Variants in TAFA1 observed in about 807,000 individuals in gnomAD.
TAFA1 encodes the protein TAFA chemokine like family member 1.
In TAFA1, 4 loss-of-function variants were observed where a neutral mutation model predicts 18.5. That is an observed-to-expected ratio of 0.22 (90% confidence interval 0.11 to 0.49). The LOEUF is 0.49. TAFA1 is among the 20% of genes least tolerant of loss of function. The probability of loss-of-function intolerance (pLI) is 0.98; values close to 1 mark genes in which losing one functional copy is unlikely to be tolerated. For missense variants in TAFA1, 147 were observed against 169.0 expected (o/e 0.87, Z 0.72); for synonymous variants, 56 against 55.2 (o/e 1.01, Z -0.06).
intron 2 of TAFA1, among the ~76,000 whole-genome samples, chr3:68,280,912 C>T (rs1271484257): frequency 6.6e-6 from 1 of 152,042 alleles, no homozygotes; most frequent in Admixed American, 6.6e-5. Context: ...CTCTCTGACA[C>T]CTAATCTCGC....
At chr3:68,014,912 C>G (rs1022924256) in intron 2 of TAFA1, among the ~76,000 whole-genome samples, 5 of 152,098 alleles carry the variant, frequency 3.3e-5, no homozygotes, top group Non-Finnish European at 7.4e-5. Flanking sequence ...CCAAATAAAT[C>G]AAGACTGATG....
Position 68,453,122 on chromosome 3 carries a change from T to C in TAFA1, c.259+35702T>C, listed in dbSNP as rs139162205. On this transcript the variant is annotated intron_variant, in intron 3 of 4. Coordinates refer to ENST00000478136, the MANE Select transcript of TAFA1 (RefSeq NM_213609.4). ...AATCTCCAGAGACATAAGCGCTTAC[T>C]AACCTCGAGAGTCACCCGACTCCAG... Among the ~76,000 whole-genome samples, 5 of 152,298 alleles carry C rather than the reference T, an allele frequency of 3.3e-5. No individual in the cohort carries two copies. The East Asian group carries it at 9.7e-4, about 29-fold the overall frequency.
intron 2 of TAFA1, among the ~76,000 whole-genome samples, chr3:68,388,287 A>G (rs2070149312): frequency 6.6e-6 from 1 of 152,170 alleles, no homozygotes; most frequent in Non-Finnish European, 1.5e-5. Context: ...GATCTAAAGA[A>G]AAAAGATTGC....
Position 68,056,519 on chromosome 3 carries a change from T to C in TAFA1, c.118+49775T>C, listed in dbSNP as rs900179865. 3.3e-5 allele frequency among the ~76,000 whole-genome samples: 5 copies of C among 152,198 alleles called. 1 individual carries two copies. Among genetic ancestry groups the C allele is most frequent in the South Asian group, 4.1e-4 (2 of 4,832 alleles). On this transcript the variant is annotated intron_variant, in intron 2 of 4. Coordinates refer to ENST00000478136, the MANE Select transcript of TAFA1 (RefSeq NM_213609.4). ...GGTAGATCCAGGTTTATTTTGGAGA[T>C]GCAAAACGCTTTAATATGATACAGT... is the stretch of plus-strand genomic sequence containing the variant.
At chr3:68,349,530 G>GT (rs1222114183) in intron 2 of TAFA1, among the ~76,000 whole-genome samples, 2 of 152,048 alleles carry the variant, frequency 1.3e-5, no homozygotes, top group Admixed American at 6.6e-5. Context: ...GGCATAGAGT[G>GT]TTTTTAAATT....
rs150856479 is a variant in TAFA1 at position 68,075,908 on chromosome 3, G to T, written c.118+69164G>T. 5.3e-3 allele frequency among the ~76,000 whole-genome samples: 799 copies of T among 152,184 alleles called. 32 individuals are homozygous for T. The East Asian group carries it at 0.1, about 20-fold the overall frequency. On this transcript the variant is annotated intron_variant, in intron 2 of 4. Transcript: ENST00000478136. ...GATGGGGTTTCACCATGTTTCCCAG[G>T]CTGGTCTTGAACTCCTGGGCTCAAG...
chr3:68,315,005 A>G (rs185978114), intron 2 of TAFA1, among the ~76,000 whole-genome samples: 186 of 151,814 alleles, frequency 1.2e-3, no homozygotes, highest in Admixed American at 4.0e-3. Context: ...TCAACTAGAC[A>G]CAAAATAAAG....
chr3:68,024,689 T>C (rs569089873), intron 2 of TAFA1, among the ~76,000 whole-genome samples: 1 of 152,138 alleles, frequency 6.6e-6, no homozygotes, highest in African/African-American at 2.4e-5. Context: ...ACATATCAGG[T>C]TTAGTTTTGT....
intron 2 of TAFA1, among the ~76,000 whole-genome samples, chr3:68,193,205 T>G (rs184610246): frequency 3.3e-5 from 5 of 151,776 alleles, no homozygotes; most frequent in African/African-American, 1.2e-4. Context: ...ATACATACCA[T>G]GCTGCTAACT....
At chr3:68,475,577 G>T (rs1245321280) in intron 3 of TAFA1, among the ~76,000 whole-genome samples, 3 of 152,220 alleles carry the variant, frequency 2.0e-5, no homozygotes, top group Non-Finnish European at 4.4e-5. Flanking sequence ...CATTTGGGTT[G>T]GTTCCAAGTC....
intron 3 of TAFA1, among the ~76,000 whole-genome samples, chr3:68,522,833 T>C (rs2073048373): frequency 6.7e-6 from 1 of 148,416 alleles, no homozygotes; most frequent in Non-Finnish European, 1.5e-5. Context: ...TGGGCGACTT[T>C]GGGAGGCTGA....
At chr3:68,021,688 G>T (rs945182941) in intron 2 of TAFA1, among the ~76,000 whole-genome samples, 4 of 152,048 alleles carry the variant, frequency 2.6e-5, no homozygotes, top group African/African-American at 9.7e-5. Flanking sequence ...TTGAGCTCTA[G>T]CAAGAAAGAA....
intron 2 of TAFA1, among the ~76,000 whole-genome samples, chr3:68,267,021 C>T (rs1227365600): frequency 6.6e-6 from 1 of 152,088 alleles, no homozygotes; most frequent in Non-Finnish European, 1.5e-5. Flanking sequence ...ACAGATTTCC[C>T]ATTGATTGAC....
chr3:68,056,277 C>G lies in TAFA1; in HGVS notation c.118+49533C>G, dbSNP rs558657269. Among the ~76,000 whole-genome samples the G allele has an allele frequency of 3.3e-5, 5 of 152,258 alleles. 1 individual carries two copies. The South Asian group carries it at 1.0e-3, about 32-fold the overall frequency. On this transcript the variant is annotated intron_variant, in intron 2 of 4. Transcript: ENST00000478136. Reference sequence around the variant, plus strand: ...ATTCTAGAGATCTGTTTCCTAGGACCACTTTGAGTTCCAACCTGAGTTCTC... The same window carrying G: ...ATTCTAGAGATCTGTTTCCTAGGACGACTTTGAGTTCCAACCTGAGTTCTC...
At chr3:68,377,866 G>A in intron 2 of TAFA1, among the ~76,000 whole-genome samples, 1 of 152,160 alleles carries the variant, frequency 6.6e-6, no homozygotes, top group East Asian at 1.9e-4. Context: ...AGGAGCCAAG[G>A]TACCACTCGG....
At chr3:68,087,528 C>T (rs1449542332) in intron 2 of TAFA1, among the ~76,000 whole-genome samples, 1 of 140,566 alleles carries the variant, frequency 7.1e-6, no homozygotes, top group Non-Finnish European at 1.6e-5. Context: ...TCCTTCCTCC[C>T]TCCCTCCCTC....
intron 2 of TAFA1, among the ~76,000 whole-genome samples, chr3:68,268,561 G>GTTACCC: frequency 6.6e-6 from 1 of 152,116 alleles, no homozygotes; most frequent in African/African-American, 2.4e-5. Flanking sequence ...TATGGTGAAG[G>GTTACCC]AAATGAAAGG....
intron 2 of TAFA1, among the ~76,000 whole-genome samples, chr3:68,294,814 C>T (rs1186418689): frequency 6.6e-6 from 1 of 152,048 alleles, no homozygotes; most frequent in Non-Finnish European, 1.5e-5. Context: ...GAGGTTGAGG[C>T]TGCAGTGAGC....
intron 3 of TAFA1, among the ~76,000 whole-genome samples, chr3:68,521,846 GT>G (rs1009292651): frequency 1.7e-5 from 1 of 57,222 alleles, no homozygotes; most frequent in Non-Finnish European, 3.3e-5. Flanking sequence ...GTTTTTCTGT[GT>G]TTTTTTCTGT....
Sources: allele counts gnomAD v4.1 joint callset (sites outside exome capture counted in the v4.1 genomes callset), GRCh38; gene constraint gnomAD v4.1.1; transcripts MANE v1.5; gene names NCBI Gene and HGNC (gene_info 2026-07-23, HGNC 2026-07-21).